Variants in GC observed in about 807,000 individuals in gnomAD.
The protein encoded by GC is GC vitamin D binding protein, also known as vitamin D-binding protein.
GC carries 43 observed loss-of-function variants against 56.7 expected under a neutral mutation model. That is an observed-to-expected ratio of 0.76 (90% CI 0.59 to 0.98). The LOEUF is 0.98. GC is among the 50% of genes least tolerant of loss of function. The probability of loss-of-function intolerance (pLI) is 0.00; values close to 1 mark genes in which losing one functional copy is unlikely to be tolerated. For synonymous variants in GC, 216 were observed against 202.7 expected, an observed-to-expected ratio of 1.07 and a Z score of -0.56; for missense variants, 529 against 545.9, an observed-to-expected ratio of 0.97 and a Z score of 0.31.
At chr4:71,753,230 T>C (rs575721147) in intron 10 of GC, among the ~76,000 whole-genome samples, 1 of 152,264 alleles carries the variant, frequency 6.6e-6, no homozygotes, top group South Asian at 2.1e-4. Context: ...CAATCGATGA[T>C]CTCGGCGTCT....
rs2149301358 is a variant in GC, at chr4:71,767,215, A to G, written c.261+1086T>C. On this transcript the variant is annotated intron_variant, in intron 3 of 12. Coordinates refer to ENST00000273951, the MANE Select transcript of GC (RefSeq NM_000583.4). The stretch of plus-strand genomic sequence containing the variant: ...TCTATTCTAATCAGATCTTTGGAGC[A>G]TTGTTTCTGTATGATATCTGCTGAA... Among the ~76,000 whole-genome samples the G allele has an allele frequency of 1.3e-5, 2 of 152,304 alleles. 1 individual carries two copies. The highest frequency in any genetic ancestry group is 4.1e-4 in the South Asian group (2 of 4,822).
chr4:71,753,984 C>G (rs532376322), intron 10 of GC, among the ~76,000 whole-genome samples: 2 of 152,260 alleles, frequency 1.3e-5, no homozygotes, highest in South Asian at 4.1e-4. Flanking sequence ...AATTGGCCAC[C>G]CACTTGCTAC....
intron 1 of GC, among the ~76,000 whole-genome samples, chr4:71,773,067 A>G (rs1171916643): frequency 6.6e-6 from 1 of 152,084 alleles, no homozygotes; most frequent in African/African-American, 2.4e-5. Context: ...ACTCCAATTC[A>G]TATAGTTAAT....
chr4:71,798,856 C>T (rs1044134032), intron 1 of GC, among the ~76,000 whole-genome samples: 1 of 152,044 alleles, frequency 6.6e-6, no homozygotes, highest in African/African-American at 2.4e-5. Flanking sequence ...TTTTTATTCT[C>T]AATACCTTAT....
chr4:71,799,090 C>T (rs1446809436), intron 1 of GC, among the ~76,000 whole-genome samples: 3 of 152,078 alleles, frequency 2.0e-5, no homozygotes, highest in Non-Finnish European at 4.4e-5. Flanking sequence ...GTGTGAGGAG[C>T]TTCATGGACT....
intron 1 of GC, among the ~76,000 whole-genome samples, chr4:71,795,369 T>G (rs1185172753): frequency 6.6e-6 from 1 of 152,240 alleles, no homozygotes; most frequent in Non-Finnish European, 1.5e-5. Flanking sequence ...ATATTTAGCA[T>G]AGTTAGCTCT....
chr4:71,805,479 GCTAGGGGACTGT>G (rs1169313434), upstream of GC, among the ~76,000 whole-genome samples: 1 of 152,198 alleles, frequency 6.6e-6, no homozygotes, highest in Admixed American at 6.5e-5. Flanking sequence ...TGTAAGAGAA[GCTAGGGGACTGT>G]CCAGCACTAG....
At chr4:71,778,923 TGGCTAAATCCAGTTCATGATC>T in intron 1 of GC, among the ~76,000 whole-genome samples, 1 of 140,458 alleles carries the variant, frequency 7.1e-6, no homozygotes, top group Non-Finnish European at 1.5e-5. Context: ...TTATTATTAT[TGGCTAAATCCAGTTCATGATC>T]ATTTTTATAC....
intron 6 of GC, among the ~76,000 whole-genome samples, chr4:71,758,647 A>G (rs1390422989): frequency 1.3e-5 from 2 of 152,190 alleles, no homozygotes; most frequent in Non-Finnish European, 2.9e-5. Context: ...TTATGTGTGA[A>G]TGGTATGCTA....
Position 71,803,960 on chromosome 4 carries a change from G to A in GC, c.-14C>T, listed in dbSNP as rs1287479233. The stretch of plus-strand genomic sequence containing the variant: ...AGACCACAGCATTTCCTACCAGTTG[G>A]ACTAGTCCAGATCATCACCAGTGGT... On this transcript the variant is annotated 5_prime_UTR_variant, in exon 1 of 14. Transcript: ENST00000504199. The A allele has an allele frequency of 4.2e-5, 62 of 1,476,966 alleles. 1 individual carries two copies. The highest frequency in any genetic ancestry group is 3.4e-4 in the Middle Eastern group (2 of 5,870). 91.5% of individuals were successfully genotyped at this position (1,476,966 alleles called of 1,614,324 possible). A position where few individuals can be genotyped will look rare whatever the true frequency, so the allele number is the denominator to read the frequency against.
chr4:71,767,829 A>C (rs1198732389), intron 3 of GC, among the ~76,000 whole-genome samples: 1 of 151,848 alleles, frequency 6.6e-6, no homozygotes, highest in African/African-American at 2.4e-5. Context: ...CTTCTCTCCA[A>C]GTTCCCAAAG....
intron 1 of GC, among the ~76,000 whole-genome samples, chr4:71,783,131 A>G (rs1742736686): frequency 6.6e-6 from 1 of 151,848 alleles, no homozygotes. Flanking sequence ...ATTATGAATA[A>G]TAATGTACGA....
At chr4:71,760,041 GTT>G (rs66464250) in intron 6 of GC, among the ~76,000 whole-genome samples, 1,060 of 101,440 alleles carry the variant, frequency 0.01, 7 homozygotes, top group African/African-American at 0.021. Context: ...AAAGAAACTA[GTT>G]TTTTTTTTTT....
upstream of GC, among the ~76,000 whole-genome samples, chr4:71,804,707 C>T (rs368194309): frequency 1.1e-4 from 16 of 151,708 alleles, no homozygotes; most frequent in Admixed American, 3.3e-4. Flanking sequence ...TTAAAAGTGT[C>T]GAAAGTAATG....
intron 3 of GC, among the ~76,000 whole-genome samples, chr4:71,765,915 C>T (rs984739212): frequency 2.6e-5 from 4 of 152,184 alleles, no homozygotes. Flanking sequence ...CTGATTAGAG[C>T]CATTAGAATT....
In GC at chr4:71,758,104, C is replaced by A; in HGVS notation, c.769G>T (p.Asp257Tyr). 1 of 1,613,402 alleles carries A rather than the reference C, an allele frequency of 6.2e-7. No homozygotes were observed. Among genetic ancestry groups the A allele is most frequent in the Non-Finnish European group, 8.5e-7 (1 of 1,179,410 alleles). The change falls in exon 7 of 13, where the codon GAT becomes TAT. Residue 257 changes from aspartate (D) to tyrosine (Y), a missense_variant. Transcript: ENST00000273951. ...CATTTGGAGAGGATGTTAGTAATAT[C>A]TTCAGCTAGTGGCAAAACATCCTCC... ...DLEDVLPLAE[D>Y]ITNILSKCCE...
At chr4:71,756,373 G>T (rs760713261) in intron 8 of GC, among the ~76,000 whole-genome samples, 5 of 152,170 alleles carry the variant, frequency 3.3e-5, no homozygotes, top group Non-Finnish European at 1.5e-5. Flanking sequence ...AGTAAGGCAA[G>T]AGTTAACATT....
rs113964594 is a variant in GC at position 71,758,041 on chromosome 4, C to T, written c.831+1G>A. On this transcript the variant is annotated splice_donor_variant, in intron 7 of 12. Coordinates refer to ENST00000273951, the MANE Select transcript of GC (RefSeq NM_000583.4). LOFTEE classifies it high-confidence loss of function. ...GATAATGATAATAAAGCTTGTCTTACCTCTTTGGCCATGCAATCTTCAGAG... is the reference window on the plus strand; with the variant it reads ...GATAATGATAATAAAGCTTGTCTTATCTCTTTGGCCATGCAATCTTCAGAG... The T allele has an allele frequency of 1.2e-6, 2 of 1,611,782 alleles. No homozygotes were observed. Among genetic ancestry groups the T allele is most frequent in the Admixed American group, 3.3e-5 (2 of 59,712 alleles).
At chr4:71,802,779 T>C (rs1417428969) in intron 1 of GC, among the ~76,000 whole-genome samples, 1 of 152,232 alleles carries the variant, frequency 6.6e-6, no homozygotes. Flanking sequence ...ATCTGAAATA[T>C]AGATGCTTTT....
Sources: allele counts gnomAD v4.1 joint callset (sites outside exome capture counted in the v4.1 genomes callset), GRCh38; gene constraint gnomAD v4.1.1; transcripts MANE v1.5; gene names NCBI Gene and HGNC (gene_info 2026-07-23, HGNC 2026-07-21).